COX10: variants seen among roughly 807,000 people sequenced by gnomAD.
COX10 encodes the protein protoheme IX farnesyltransferase, mitochondrial.
COX10 carries 27 observed loss-of-function variants against 37.3 expected under a neutral mutation model. The ratio of observed to expected loss-of-function variants is 0.72; its 90% CI spans 0.53 to 1.00. COX10 has a LOEUF of 1.00. COX10 is among the 50% of genes least tolerant of loss of function. COX10 has a pLI of 0.00. For synonymous variants in COX10, 222 were observed against 229.1 expected, an observed-to-expected ratio of 0.97 and a Z score of 0.28; for missense variants, 475 against 563.2, an observed-to-expected ratio of 0.84 and a Z score of 1.59.
chr17:14,144,130 G>A (rs1018643735), intron 4 of COX10, among the ~76,000 whole-genome samples: 1 of 152,096 alleles, frequency 6.6e-6, no homozygotes, highest in Admixed American at 6.6e-5. Context: ...CACCCCCACC[G>A]TGTTGTGACC....
intron 5 of COX10, among the ~76,000 whole-genome samples, chr17:14,173,613 A>G (rs1299202001): frequency 2.0e-5 from 3 of 152,210 alleles, no homozygotes; most frequent in Non-Finnish European, 4.4e-5. Context: ...TAAAACTGGG[A>G]AGAGGTTAAG....
At chr17:14,157,546 G>C (rs773292392) in intron 4 of COX10, among the ~76,000 whole-genome samples, 11 of 152,202 alleles carry the variant, frequency 7.2e-5, no homozygotes, top group Non-Finnish European at 1.3e-4. Context: ...ATCTCTATGG[G>C]ATTGGTTTTA....
At chr17:14,162,085 A>G (rs953054923) in intron 5 of COX10, among the ~76,000 whole-genome samples, 1 of 152,240 alleles carries the variant, frequency 6.6e-6, no homozygotes, top group East Asian at 1.9e-4. Context: ...AGTTAAGTGT[A>G]TGAGGCTACC....
At position 14,207,353 on chromosome 17, in the gene COX10, T is replaced by A. The variant is rs762095727; in HGVS notation, c.*140T>A. On this transcript the variant is annotated 3_prime_UTR_variant, in exon 7 of 7. Transcript: ENST00000261643. ...CGGTGCTCAGTGATCACTTGACAGT[T>A]TTTTTTTTTTTTAAATATTACCCAA... 2.8e-6 allele frequency: 2 copies of A among 708,460 alleles called. No homozygotes were observed. The highest frequency in any genetic ancestry group is 3.7e-6 in the Non-Finnish European group (2 of 543,448). 43.9% of individuals were successfully genotyped at this position (708,460 alleles called of 1,614,324 possible).
chr17:14,160,028 C>A, intron 5 of COX10, 81 bp downstream of exon 5: 2 of 1,282,728 alleles, frequency 1.6e-6, no homozygotes, highest in Non-Finnish European at 2.2e-6. Flanking sequence ...CACTATTTTG[C>A]TTTGAGCTGC....
chr17:14,194,661 G>A (rs1016620681), intron 6 of COX10, among the ~76,000 whole-genome samples: 16 of 152,150 alleles, frequency 1.1e-4, no homozygotes, highest in Non-Finnish European at 1.8e-4. Flanking sequence ...TCTTGACCTC[G>A]TGATCCGCCT....
At chr17:14,155,331 A>ATG (rs1905013314) in intron 4 of COX10, among the ~76,000 whole-genome samples, 1 of 23,804 alleles carries the variant, frequency 4.2e-5, no homozygotes, top group African/African-American at 1.7e-4. Flanking sequence ...CATCTACATA[A>ATG]AAAAAAAAAA....
intron 5 of COX10, among the ~76,000 whole-genome samples, chr17:14,168,815 C>G (rs1033457170): frequency 6.6e-6 from 1 of 152,224 alleles, no homozygotes; most frequent in Non-Finnish European, 1.5e-5. Flanking sequence ...ATTTTTCACT[C>G]CTATGCCTCT....
At chr17:14,173,407 A>G (rs1253305904) in intron 5 of COX10, among the ~76,000 whole-genome samples, 3 of 152,276 alleles carry the variant, frequency 2.0e-5, no homozygotes, top group African/African-American at 7.2e-5. Context: ...ATGAACATCA[A>G]GATAGAGAGA....
At chr17:14,153,567 C>A (rs1430348095) in intron 4 of COX10, among the ~76,000 whole-genome samples, 2 of 152,188 alleles carry the variant, frequency 1.3e-5, no homozygotes, top group Non-Finnish European at 2.9e-5. Context: ...GATAGCCAGT[C>A]CCTATTCTCT....
chr17:14,159,751 A>G, intron 4 of COX10, 126 bp from the exon 5 acceptor site: 1 of 699,638 alleles, frequency 1.4e-6, no homozygotes, highest in Non-Finnish European at 2.4e-6. Flanking sequence ...AAGAAGTGCC[A>G]GGGTATTGAT....
At chr17:14,164,590 T>C (rs1269228251) in intron 5 of COX10, among the ~76,000 whole-genome samples, 1 of 152,222 alleles carries the variant, frequency 6.6e-6, no homozygotes, top group Non-Finnish European at 1.5e-5. Context: ...GATTTTGATT[T>C]TTCCAGATTT....
At chr17:14,186,140 A>G (rs1373895337) in intron 5 of COX10, among the ~76,000 whole-genome samples, 1 of 152,224 alleles carries the variant, frequency 6.6e-6, no homozygotes, top group Non-Finnish European at 1.5e-5. Flanking sequence ...AATTAAACAA[A>G]TGCTTGTCTC....
At chr17:14,128,617 A>G (rs1916395527) in intron 4 of COX10, among the ~76,000 whole-genome samples, 1 of 152,176 alleles carries the variant, frequency 6.6e-6, no homozygotes, top group African/African-American at 2.4e-5. Context: ...ACACACATGA[A>G]TCCTCATAAA....
intron 6 of COX10, among the ~76,000 whole-genome samples, chr17:14,206,572 A>G (rs1400153742): frequency 6.6e-6 from 1 of 152,080 alleles, no homozygotes; most frequent in African/African-American, 2.4e-5. Context: ...TCCTGCCCCC[A>G]GGCACACTGG....
At chr17:14,115,895 G>A (rs990490901) in intron 4 of COX10, among the ~76,000 whole-genome samples, 3 of 152,126 alleles carry the variant, frequency 2.0e-5, no homozygotes, top group Non-Finnish European at 4.4e-5. Flanking sequence ...TGGAAAGGGT[G>A]GATGATGAGA....
chr17:14,198,934 C>G (rs1906447357), intron 6 of COX10, among the ~76,000 whole-genome samples: 1 of 152,046 alleles, frequency 6.6e-6, no homozygotes, highest in Non-Finnish European at 1.5e-5. Flanking sequence ...TTTTAGCACT[C>G]CAGATTAAGT....
At chr17:14,192,452 GA>G (rs376664845) in intron 6 of COX10, among the ~76,000 whole-genome samples, 2 of 149,584 alleles carry the variant, frequency 1.3e-5, no homozygotes, top group Non-Finnish European at 2.9e-5. Flanking sequence ...ATGTCTGGGA[GA>G]AAAAAAAGGA....
intron 4 of COX10, among the ~76,000 whole-genome samples, chr17:14,146,343 C>T (rs1476906563): frequency 3.3e-5 from 5 of 152,074 alleles, no homozygotes; most frequent in African/African-American, 1.2e-4. Context: ...AACAAACTCA[C>T]ACACCTACAA....
Sources: gnomAD v4.1 joint callset for allele counts (sites outside exome capture counted in the v4.1 genomes callset) on GRCh38, gnomAD v4.1.1 for gene constraint, MANE v1.5 for transcripts, NCBI Gene and HGNC (gene_info 2026-07-23, HGNC 2026-07-21) for gene names.